Variants in SSH1 observed in about 807,000 individuals in gnomAD.
SSH1 encodes protein phosphatase Slingshot homolog 1.
In SSH1, 43 loss-of-function variants were observed where a neutral mutation model predicts 79.7. The observed-to-expected ratio is 0.54, with a 90% confidence interval of 0.42 to 0.70. The LOEUF is 0.70. SSH1 is among the 30% of genes least tolerant of loss of function. SSH1 has a pLI of 0.00. For synonymous variants in SSH1, 599 were observed against 538.3 expected, an observed-to-expected ratio of 1.11 and a Z score of -1.56; for missense variants, 1,206 against 1,358.8, an observed-to-expected ratio of 0.89 and a Z score of 1.77.
chr12:108,807,649 C>T lies in SSH1; in HGVS notation c.715G>A (p.Ala239Thr), dbSNP rs1334789592. 19 of 1,612,692 alleles carry T rather than the reference C, an allele frequency of 1.2e-5. No homozygotes were observed. Among genetic ancestry groups the T allele is most frequent in the East Asian group, 6.7e-5 (3 of 44,752 alleles). The stretch of plus-strand genomic sequence containing the variant: ...CTCACTTACTTGTCCACAAATAGCG[C>T]GGGGGAGTCGGGCCGCGTAGACTCC... ...DLESTRPDSP[A>T]LFVDKPTEGE... Residue 239 changes from alanine to threonine, a missense_variant, in exon 8 of 15, where the codon GCG (alanine) becomes ACG (threonine). Physicochemically the swap from Ala to Thr is moderately conservative, Grantham distance 58. Transcript: ENST00000326495. This position sits in a 1 kb window ranked among gnomAD's most constrained non-coding sequence, Gnocchi z 5.2.
intron 1 of SSH1, among the ~76,000 whole-genome samples, chr12:108,856,277 G>A (rs2039141654): frequency 6.6e-6 from 1 of 152,238 alleles, no homozygotes; most frequent in South Asian, 2.1e-4. Context: ...CAGCTACAGA[G>A]GGCTGACCTG....
At chr12:108,804,925 A>G (rs1478236247) in intron 10 of SSH1, 131 bp downstream of exon 10, 2 of 1,119,126 alleles carry the variant, frequency 1.8e-6, no homozygotes, top group Non-Finnish European at 2.6e-6. Context: ...AGCTCCTGCC[A>G]GCCAGGATGG....
intron 3 of SSH1, 119 bp from the exon 4 acceptor site, chr12:108,818,432 C>CTACA (rs1199890311): frequency 2.0e-5 from 17 of 849,308 alleles, no homozygotes; most frequent in Admixed American, 4.7e-5. Context: ...ATTTGTCTAC[C>CTACA]TACACCACAG....
intron 10 of SSH1, 122 bp from the exon 11 acceptor site, chr12:108,802,490 A>G: frequency 1.3e-6 from 1 of 792,002 alleles, no homozygotes; most frequent in South Asian, 1.4e-5. Flanking sequence ...CATTGGCCTC[A>G]GAGAACAGAG....
chr12:108,849,767 C>A (rs2038975609), intron 2 of SSH1, among the ~76,000 whole-genome samples: 1 of 141,992 alleles, frequency 7.0e-6, no homozygotes, highest in Non-Finnish European at 1.5e-5. Context: ...TCAACAACAG[C>A]CCTGAGAGAG....
At chr12:108,790,153 G>T (rs2036442046) in intron 14 of SSH1, among the ~76,000 whole-genome samples, 1 of 143,572 alleles carries the variant, frequency 7.0e-6, no homozygotes, top group African/African-American at 2.6e-5. Flanking sequence ...ATGGCTTCCA[G>T]TTTTTTTTTT....
In SSH1 at chr12:108,857,500, T is replaced by G; in HGVS notation, c.-4A>C. ...GCTGCAGGGTCACCAGGGCCATGGC[T>G]GCGGCGCGGTGCGAGGGCGCCACAG... On this transcript the variant is annotated 5_prime_UTR_variant, in exon 1 of 15. Transcript: ENST00000326495. The surrounding 1 kb of genome is among the most constrained non-coding windows in gnomAD (Gnocchi z 4.7). 1 of 1,131,894 alleles carries G rather than the reference T, an allele frequency of 8.8e-7. No homozygotes were observed. Among genetic ancestry groups the G allele is most frequent in the Non-Finnish European group, 1.1e-6 (1 of 904,994 alleles). The allele number at this position is 1,131,894 out of a possible 1,614,324, so 70.1% of individuals were successfully genotyped here.
intron 2 of SSH1, among the ~76,000 whole-genome samples, chr12:108,842,547 C>A (rs1159316628): frequency 6.6e-6 from 1 of 152,250 alleles, no homozygotes; most frequent in Non-Finnish European, 1.5e-5. Context: ...GTTCTCCGGG[C>A]TGCAGCACAT....
intron 2 of SSH1, among the ~76,000 whole-genome samples, chr12:108,839,251 G>A (rs1046942215): frequency 1.3e-5 from 2 of 152,210 alleles, no homozygotes; most frequent in African/African-American, 4.8e-5. Context: ...CTCATGAGGT[G>A]GGGCCTGGTC....
chr12:108,815,745 A>G (rs1290966317), intron 5 of SSH1, among the ~76,000 whole-genome samples: 1 of 152,102 alleles, frequency 6.6e-6, no homozygotes, highest in African/African-American at 2.4e-5. Flanking sequence ...CAGGTTCCCA[A>G]CCACCCCAAG....
At chr12:108,815,676 C>T (rs1191803900) in intron 5 of SSH1, among the ~76,000 whole-genome samples, 2 of 152,202 alleles carry the variant, frequency 1.3e-5, no homozygotes, top group Non-Finnish European at 2.9e-5. Flanking sequence ...CTCCAGTCTC[C>T]AAGTGGCTCT....
rs1431048953 is a variant in SSH1, at chr12:108,782,366, T to A, written c.*5622A>T. 3 of 151,550 alleles carry A rather than the reference T, an allele frequency of 2.0e-5. No homozygotes were observed. Among genetic ancestry groups the A allele is most frequent in the Non-Finnish European group, 4.4e-5 (3 of 67,962 alleles). 9.4% of individuals were successfully genotyped at this position (151,550 alleles called of 1,614,324 possible). A position where few individuals can be genotyped will look rare whatever the true frequency, so the allele number is the denominator to read the frequency against. On this transcript the variant is annotated 3_prime_UTR_variant, in exon 15 of 15. Transcript: ENST00000326495. ...CCTCTGGCTTTACATTTCCTACTTG[T>A]ACGGGAAGAGAACCCACCCAAAGTC...
At chr12:108,805,297 T>G in intron 9 of SSH1, 113 bp from the exon 10 acceptor site, 1 of 1,219,608 alleles carries the variant, frequency 8.2e-7, no homozygotes. Context: ...AGGTGGGTGT[T>G]TTTTCTCTTT....
chr12:108,793,656 A>G (rs1004773296), intron 13 of SSH1, among the ~76,000 whole-genome samples: 3 of 152,130 alleles, frequency 2.0e-5, no homozygotes, highest in African/African-American at 2.4e-5. Flanking sequence ...TCAGCCTCCC[A>G]AAGTGTTGGG....
rs1481855816 is a variant in SSH1, at chr12:108,802,325, G to A, written c.998C>T (p.Ser333Leu). The change falls in exon 11 of 15, where the codon TCA becomes TTA. Residue 333 changes from serine to leucine, a missense_variant. Physicochemically the swap from Ser to Leu is moderately radical, Grantham distance 145. Coordinates refer to ENST00000326495, the MANE Select transcript of SSH1 (RefSeq NM_018984.4). ...AAGACAAGGGGAGGAGACTCACCCTGAGCCCTGCAGTTCCTCCAGATTGGA... is the reference window on the plus strand; with the variant it reads ...AAGACAAGGGGAGGAGACTCACCCTAAGCCCTGCAGTTCCTCCAGATTGGA... ...NASNLEELQG[S>L]GVDYILNVTR... 7 of 1,613,970 alleles carry A rather than the reference G, an allele frequency of 4.3e-6. No individual in the cohort carries two copies. Among genetic ancestry groups the A allele is most frequent in the South Asian group, 1.1e-5 (1 of 91,062 alleles).
chr12:108,800,015 C>T (rs891044705), intron 12 of SSH1, among the ~76,000 whole-genome samples: 1 of 152,162 alleles, frequency 6.6e-6, no homozygotes, highest in African/African-American at 2.4e-5. Flanking sequence ...GGGGTTTTTT[C>T]CCCCTAACTG....
intron 2 of SSH1, chr12:108,826,296 A>C (rs2038306316): frequency 2.6e-6 from 1 of 379,700 alleles, no homozygotes; most frequent in African/African-American, 2.1e-5. Context: ...TCCTACACTG[A>C]TAAGAATCAG....
chr12:108,827,396 C>T (rs779797750), intron 2 of SSH1: 24 of 1,496,738 alleles, frequency 1.6e-5, no homozygotes, highest in Middle Eastern at 4.0e-4. Context: ...GCCCTCCGAG[C>T]TCTGGCCATC....
Position 108,788,317 on chromosome 12 carries a change from T to C in SSH1, c.2821A>G (p.Ile941Val). 1 of 1,613,364 alleles carries C rather than the reference T, an allele frequency of 6.2e-7. No individual in the cohort carries two copies. The change falls in exon 15 of 15, where the codon ATC (isoleucine) becomes GTC (valine). Residue 941 changes from isoleucine (I) to valine (V), a missense_variant. Physicochemically the swap from Ile to Val is conservative, Grantham distance 29 (BLOSUM62 3). This residue lies in a region of SSH1 where 709 missense variants were observed against 730.6 expected (regional missense o/e 0.97). Coordinates refer to ENST00000326495, the MANE Select transcript of SSH1 (RefSeq NM_018984.4). ...NLTRSSSSDS[I>V]HSVRGKPGLV... ...CCGGGCTTCCCACGGACACTGTGGATGCTATCGCTGCTGGAGCTCCGGGTC... is the reference window on the plus strand; with the variant it reads ...CCGGGCTTCCCACGGACACTGTGGACGCTATCGCTGCTGGAGCTCCGGGTC...
Sources: allele counts gnomAD v4.1 joint callset (sites outside exome capture counted in the v4.1 genomes callset), GRCh38; gene constraint gnomAD v4.1.1; regional missense constraint gnomAD v4.1.1; non-coding constraint Gnocchi (gnomAD v3.1); transcripts MANE v1.5; gene names NCBI Gene and HGNC (gene_info 2026-07-23, HGNC 2026-07-21).